The following VAV3 variants were observed in gnomAD, a reference collection of about 807,000 sequenced individuals.
The protein encoded by VAV3 is vav guanine nucleotide exchange factor 3.
Under a neutral mutation model 131.2 loss-of-function variants are expected in VAV3, and 94 were observed. That is an observed-to-expected ratio of 0.72 (90% CI 0.61 to 0.85). VAV3 has a LOEUF of 0.85. VAV3 is among the 40% of genes least tolerant of loss of function. VAV3 has a pLI of 0.00. For synonymous variants in VAV3, 349 were observed against 342.0 expected, an observed-to-expected ratio of 1.02 and a Z score of -0.22; for missense variants, 939 against 1,002.7, an observed-to-expected ratio of 0.94 and a Z score of 0.86.
chr1:107,900,591 A>G (rs1474820919), intron 1 of VAV3, among the ~76,000 whole-genome samples: 1 of 152,212 alleles, frequency 6.6e-6, no homozygotes, highest in Non-Finnish European at 1.5e-5. Context: ...GAGCATGTTG[A>G]TAAGTGCAGT....
intron 25 of VAV3, among the ~76,000 whole-genome samples, chr1:107,586,663 A>G (rs150590758): frequency 1.3e-5 from 2 of 152,220 alleles, no homozygotes; most frequent in East Asian, 3.9e-4. Flanking sequence ...GGAATTGATT[A>G]ATTATTTTGA....
chr1:107,871,805 CAA>C (rs1369546442), intron 2 of VAV3, among the ~76,000 whole-genome samples: 1 of 152,030 alleles, frequency 6.6e-6, no homozygotes, highest in African/African-American at 2.4e-5. Context: ...AGAGCTTGGA[CAA>C]AGTTTAGTGA....
chr1:107,642,379 G>A (rs899513593), intron 20 of VAV3, among the ~76,000 whole-genome samples: 2 of 152,060 alleles, frequency 1.3e-5, no homozygotes, highest in South Asian at 2.1e-4. Flanking sequence ...TCTAAAAAGG[G>A]GAGACATGAA....
intron 2 of VAV3, among the ~76,000 whole-genome samples, chr1:107,825,474 T>C (rs1407380288): frequency 2.6e-5 from 4 of 151,890 alleles, no homozygotes; most frequent in Admixed American, 1.3e-4. Flanking sequence ...AAAAACTGCC[T>C]AAGCCTATTC....
intron 2 of VAV3, among the ~76,000 whole-genome samples, chr1:107,797,580 T>C (rs1225711960): frequency 1.3e-5 from 2 of 152,218 alleles, no homozygotes; most frequent in African/African-American, 4.8e-5. Context: ...CAGTGAGTTA[T>C]GCTAGAATAA....
chr1:107,648,554 G>A (rs1438011973), intron 19 of VAV3, among the ~76,000 whole-genome samples: 1 of 151,982 alleles, frequency 6.6e-6, no homozygotes, highest in East Asian at 1.9e-4. Flanking sequence ...CTGGCAAACA[G>A]CTATTCCCAG....
chr1:107,920,818 G>T (rs988729122), intron 1 of VAV3, among the ~76,000 whole-genome samples: 1 of 152,134 alleles, frequency 6.6e-6, no homozygotes, highest in East Asian at 1.9e-4. Flanking sequence ...GATTATTTGT[G>T]TGTGTGTATA....
chr1:107,929,544 C>T (rs530509363), intron 1 of VAV3, among the ~76,000 whole-genome samples: 144 of 152,004 alleles, frequency 9.5e-4, no homozygotes, highest in Non-Finnish European at 1.9e-3. Flanking sequence ...TATTATATAA[C>T]ATTGTAACTA....
chr1:107,787,448 C>T (rs1244904374), intron 2 of VAV3, among the ~76,000 whole-genome samples: 2 of 152,164 alleles, frequency 1.3e-5, no homozygotes, highest in African/African-American at 4.8e-5. Context: ...GACAGCAAGG[C>T]CAGTTGCACC....
intron 22 of VAV3, among the ~76,000 whole-genome samples, chr1:107,606,612 C>T (rs1040223397): frequency 6.6e-6 from 1 of 151,980 alleles, no homozygotes; most frequent in Non-Finnish European, 1.5e-5. Flanking sequence ...TTATCCATCT[C>T]TGACTTTTTG....
At chr1:107,828,369 A>G (rs1668105147) in intron 2 of VAV3, among the ~76,000 whole-genome samples, 1 of 152,198 alleles carries the variant, frequency 6.6e-6, no homozygotes, top group Non-Finnish European at 1.5e-5. Flanking sequence ...TAACATAGTG[A>G]GTATATTAGT....
At chr1:107,615,789 A>T (rs1414770601) in intron 21 of VAV3, among the ~76,000 whole-genome samples, 1 of 152,222 alleles carries the variant, frequency 6.6e-6, no homozygotes, top group Non-Finnish European at 1.5e-5. Flanking sequence ...GGCAAATAAC[A>T]TGAACAGACA....
At position 107,779,539 on chromosome 1, in the gene VAV3, T is replaced by C. The variant is rs376457338; in HGVS notation, c.322-47A>G. On this transcript the variant is annotated intron_variant, in intron 2 of 26. Transcript: ENST00000370056. ...AATTAGATATGTAGTTCAGAAAATA[T>C]AAGATTTCTTTTTCCAAAATTTTTT... 1.9e-5 allele frequency: 28 copies of C among 1,465,788 alleles called. No homozygotes were observed. In the Admixed American group the frequency reaches 3.1e-4, roughly 16 times the overall value. 90.8% of individuals were successfully genotyped at this position (1,465,788 alleles called of 1,614,324 possible).
chr1:107,824,996 T>G (rs76741490), intron 2 of VAV3, among the ~76,000 whole-genome samples: 5,319 of 152,188 alleles, frequency 0.035, 106 homozygotes, highest in African/African-American at 0.063. Context: ...AAACTAAAAG[T>G]CAGTAAACTA....
intron 10 of VAV3, among the ~76,000 whole-genome samples, chr1:107,757,997 T>A (rs1664209452): frequency 6.6e-6 from 1 of 152,164 alleles, no homozygotes; most frequent in Non-Finnish European, 1.5e-5. Flanking sequence ...TCCGTCCAAC[T>A]AAATGGTTCT....
chr1:107,579,487 C>T (rs567087216), intron 25 of VAV3, among the ~76,000 whole-genome samples: 10 of 152,328 alleles, frequency 6.6e-5, no homozygotes, highest in African/African-American at 2.4e-4. Context: ...AAAGTTAGTA[C>T]ACCGTTCAGC....
chr1:107,633,613 C>A (rs548785378), intron 20 of VAV3, among the ~76,000 whole-genome samples: 3 of 152,218 alleles, frequency 2.0e-5, no homozygotes, highest in African/African-American at 7.2e-5. Context: ...TTGGTATGGT[C>A]CCCTTCCTCT....
chr1:107,951,863 C>T (rs1674551458), intron 1 of VAV3, among the ~76,000 whole-genome samples: 1 of 151,766 alleles, frequency 6.6e-6, no homozygotes, highest in Non-Finnish European at 1.5e-5. Flanking sequence ...CACTTATACA[C>T]TGTTGGTGGG....
intron 25 of VAV3, among the ~76,000 whole-genome samples, chr1:107,595,049 T>C (rs1220540151): frequency 6.6e-6 from 1 of 152,178 alleles, no homozygotes; most frequent in African/African-American, 2.4e-5. Context: ...AAAACTTCCA[T>C]TTTTGAATGA....
Sources: gnomAD v4.1 joint callset for allele counts (sites outside exome capture counted in the v4.1 genomes callset) on GRCh38, gnomAD v4.1.1 for gene constraint, MANE v1.5 for transcripts, NCBI Gene and HGNC (gene_info 2026-07-23, HGNC 2026-07-21) for gene names.